The following CTNNA3 variants were observed in gnomAD, a reference collection of about 807,000 sequenced individuals.
The protein encoded by CTNNA3 is catenin alpha 3.
In CTNNA3, 76 loss-of-function variants were observed where a neutral mutation model predicts 95.7. That is an observed-to-expected ratio of 0.79 (90% CI 0.66 to 0.96). The LOEUF is 0.96. CTNNA3 is among the 40% of genes least tolerant of loss of function. The pLI is 0.00. For synonymous variants in CTNNA3, 431 were observed against 374.4 expected, an observed-to-expected ratio of 1.15 and a Z score of -1.74; for missense variants, 1,191 against 1,089.8, an observed-to-expected ratio of 1.09 and a Z score of -1.31.
intron 5 of CTNNA3, among the ~76,000 whole-genome samples, chr10:67,427,056 G>A (rs1845946394): frequency 6.6e-6 from 1 of 152,036 alleles, no homozygotes; most frequent in African/African-American, 2.4e-5. Flanking sequence ...TAAATGAACA[G>A]AAACCAGATG....
chr10:66,807,140 G>A (rs1841684796), intron 7 of CTNNA3, among the ~76,000 whole-genome samples: 2 of 152,034 alleles, frequency 1.3e-5, no homozygotes, highest in Admixed American at 6.6e-5. Flanking sequence ...GTTTGTACCT[G>A]TGTAACCCAG....
intron 5 of CTNNA3, among the ~76,000 whole-genome samples, chr10:67,291,926 C>T (rs1338419625): frequency 6.6e-6 from 1 of 152,106 alleles, no homozygotes; most frequent in Non-Finnish European, 1.5e-5. Flanking sequence ...AGAATGAAAA[C>T]CCAAAGATGC....
rs530323879 is a variant in CTNNA3, at chr10:66,352,476, T to C, written c.1732+26676A>G. Among the ~76,000 whole-genome samples the C allele has an allele frequency of 4.6e-5, 7 of 152,024 alleles. 1 individual carries two copies. The highest frequency in any genetic ancestry group is 8.8e-5 in the Non-Finnish European group (6 of 67,960). The stretch of plus-strand genomic sequence containing the variant: ...AGCAGTAGGAAGCAAATACAACAAA[T>C]GGGGTCTGAAAGATGAAGGAAAACA... On this transcript the variant is annotated intron_variant, in intron 12 of 17. Coordinates refer to ENST00000433211, the MANE Select transcript of CTNNA3 (RefSeq NM_013266.4).
In CTNNA3 at chr10:67,568,096, G is replaced by T. The variant is rs146791749; in HGVS notation, c.293-28427C>A. ...GGACTTTCTCTCTCCCTTGTGAGTAGTAAACTTTGGGTTAAAAAATGTTCA... is the reference window on the plus strand; with the variant it reads ...GGACTTTCTCTCTCCCTTGTGAGTATTAAACTTTGGGTTAAAAAATGTTCA... On this transcript the variant is annotated intron_variant, in intron 3 of 17. Transcript: ENST00000433211. Among the ~76,000 whole-genome samples the T allele has an allele frequency of 1.6e-4, 25 of 152,138 alleles. 1 individual carries two copies. In the East Asian group the frequency reaches 3.3e-3, roughly 20 times the overall value.
intron 7 of CTNNA3, among the ~76,000 whole-genome samples, chr10:66,858,497 A>G (rs894344912): frequency 6.6e-6 from 1 of 151,944 alleles, no homozygotes; most frequent in African/African-American, 2.4e-5. Flanking sequence ...TTATACATAC[A>G]GTGGGTACAA....
chr10:66,645,027 A>G (rs1845658093), intron 9 of CTNNA3, among the ~76,000 whole-genome samples: 1 of 152,042 alleles, frequency 6.6e-6, no homozygotes, highest in African/African-American at 2.4e-5. Context: ...ATCTTTTGGG[A>G]TTTTTTTCAT....
intron 1 of CTNNA3, among the ~76,000 whole-genome samples, chr10:67,740,451 C>T (rs1343231828): frequency 6.6e-6 from 1 of 151,184 alleles, no homozygotes. Flanking sequence ...TGAACTCGAA[C>T]AAATGTACAA....
chr10:66,797,126 A>G (rs1433739509), intron 7 of CTNNA3, among the ~76,000 whole-genome samples: 1 of 152,028 alleles, frequency 6.6e-6, no homozygotes, highest in Non-Finnish European at 1.5e-5. Flanking sequence ...TTTGTTGACA[A>G]CAAAAGTGCC....
intron 5 of CTNNA3, among the ~76,000 whole-genome samples, chr10:67,312,641 G>T (rs1022529773): frequency 1.3e-5 from 2 of 152,218 alleles, no homozygotes; most frequent in Non-Finnish European, 2.9e-5. Flanking sequence ...GAAGTCTGAG[G>T]ACGATAGCCA....
At chr10:66,499,101 T>C (rs556430493) in intron 11 of CTNNA3, among the ~76,000 whole-genome samples, 648 of 152,330 alleles carry the variant, frequency 4.3e-3, no homozygotes, top group Non-Finnish European at 7.0e-3. Flanking sequence ...CTTCATTTTT[T>C]ACTAATCTGA....
intron 12 of CTNNA3, among the ~76,000 whole-genome samples, chr10:66,377,252 C>T (rs766799304): frequency 2.6e-5 from 4 of 151,710 alleles, no homozygotes; most frequent in Non-Finnish European, 5.9e-5. Flanking sequence ...TACATAATAA[C>T]CCAGGATTAT....
intron 2 of CTNNA3, among the ~76,000 whole-genome samples, chr10:67,621,903 A>C (rs937850772): frequency 6.6e-6 from 1 of 152,198 alleles, no homozygotes; most frequent in Non-Finnish European, 1.5e-5. Flanking sequence ...AGCCACACCC[A>C]TGTGTTTACA....
chr10:66,094,258 G>C (rs1317591140), intron 14 of CTNNA3, among the ~76,000 whole-genome samples: 1 of 152,038 alleles, frequency 6.6e-6, no homozygotes, highest in Non-Finnish European at 1.5e-5. Flanking sequence ...TCTGCACGAG[G>C]AGGTAGCATT....
chr10:66,809,124 T>C (rs2132257546), intron 7 of CTNNA3, among the ~76,000 whole-genome samples: 1 of 152,294 alleles, frequency 6.6e-6, no homozygotes, highest in South Asian at 2.1e-4. Context: ...CTGACATCAT[T>C]TGGAAATTCT....
intron 13 of CTNNA3, among the ~76,000 whole-genome samples, chr10:66,152,310 C>T (rs921971770): frequency 3.3e-5 from 5 of 151,790 alleles, no homozygotes; most frequent in Non-Finnish European, 7.4e-5. Context: ...GATACAGGCA[C>T]TGATAATACA....
At chr10:66,234,407 A>G (rs1291029580) in intron 13 of CTNNA3, among the ~76,000 whole-genome samples, 1 of 152,208 alleles carries the variant, frequency 6.6e-6, no homozygotes, top group Admixed American at 6.5e-5. Context: ...ATTCACATAC[A>G]GCCAAACACA....
chr10:66,583,888 T>G (rs937724060), intron 10 of CTNNA3, among the ~76,000 whole-genome samples: 2 of 151,862 alleles, frequency 1.3e-5, no homozygotes, highest in South Asian at 2.1e-4. Context: ...TCACTGTTGT[T>G]ATTCATTTCA....
intron 15 of CTNNA3, among the ~76,000 whole-genome samples, chr10:66,008,345 T>G (rs2078938003): frequency 6.6e-6 from 1 of 152,224 alleles, no homozygotes; most frequent in African/African-American, 2.4e-5. Flanking sequence ...TCTTTGCCAC[T>G]TAATTGGAAA....
intron 11 of CTNNA3, among the ~76,000 whole-genome samples, chr10:66,434,114 T>G (rs1218383446): frequency 1.3e-5 from 2 of 152,138 alleles, no homozygotes; most frequent in East Asian, 3.9e-4. Context: ...TAGGATTGTC[T>G]TGGCTATATG....
Sources: allele counts gnomAD v4.1 joint callset (sites outside exome capture counted in the v4.1 genomes callset), GRCh38; gene constraint gnomAD v4.1.1; transcripts MANE v1.5; gene names NCBI Gene and HGNC (gene_info 2026-07-23, HGNC 2026-07-21).